The following PTPRN2 variants were observed in gnomAD, a reference collection of about 807,000 sequenced individuals.
The protein encoded by PTPRN2 is protein tyrosine phosphatase receptor type N2, also known as receptor-type tyrosine-protein phosphatase N2.
A neutral mutation model predicts 118.8 loss-of-function variants in PTPRN2; 74 were observed. The ratio of observed to expected loss-of-function variants is 0.62; its 90% CI spans 0.52 to 0.76. PTPRN2 has a LOEUF of 0.76. PTPRN2 is among the 30% of genes least tolerant of loss of function. The pLI, the probability that PTPRN2 is intolerant of heterozygous loss-of-function variation, is 0.00. For synonymous variants in PTPRN2, 641 were observed against 608.0 expected, an observed-to-expected ratio of 1.05 and a Z score of -0.80; for missense variants, 1,481 against 1,394.4, an observed-to-expected ratio of 1.06 and a Z score of -0.99.
At chr7:157,846,878 G>A (rs1345650014) in intron 12 of PTPRN2, among the ~76,000 whole-genome samples, 4 of 150,758 alleles carry the variant, frequency 2.7e-5, no homozygotes, top group African/African-American at 4.9e-5. Context: ...ACGTGTGCCC[G>A]ATGTTTACAG....
At chr7:157,925,616 A>AT (rs1409504003) in intron 11 of PTPRN2, among the ~76,000 whole-genome samples, 8 of 152,174 alleles carry the variant, frequency 5.3e-5, no homozygotes, top group Admixed American at 4.6e-4. Context: ...TGGAAACCGC[A>AT]TGGGGCCACA....
In PTPRN2 at chr7:158,529,722, G is replaced by A. The variant is rs1369832728; in HGVS notation, c.113-39937C>T. On this transcript the variant is annotated intron_variant, in intron 1 of 22. Coordinates refer to ENST00000389418, the MANE Select transcript of PTPRN2 (RefSeq NM_002847.5). This position sits in a 1 kb window ranked among gnomAD's most constrained non-coding sequence, Gnocchi z 4.7. Reference sequence around the variant, plus strand: ...TGTGTCCACCAGCCCCAGGGGCTGTGGGGAGGGGCGGTCACCAGAAGGGGC... The same window carrying A: ...TGTGTCCACCAGCCCCAGGGGCTGTAGGGAGGGGCGGTCACCAGAAGGGGC... Among the ~76,000 whole-genome samples the A allele has an allele frequency of 6.6e-6, 1 of 152,100 alleles. No homozygotes were observed. Among genetic ancestry groups the A allele is most frequent in the Non-Finnish European group, 1.5e-5 (1 of 68,020 alleles).
intron 12 of PTPRN2, among the ~76,000 whole-genome samples, chr7:157,735,766 G>A (rs1800258687): frequency 6.6e-6 from 1 of 152,122 alleles, no homozygotes; most frequent in African/African-American, 2.4e-5. Context: ...CCGCAAATGT[G>A]GGGAGCAGGT....
chr7:158,530,510 G>C (rs12534193), intron 1 of PTPRN2, among the ~76,000 whole-genome samples: 69,396 of 151,960 alleles, frequency 0.46, 16,266 homozygotes, highest in South Asian at 0.67. Context: ...AGGGAGCTCT[G>C]GTACCCCACG....
intron 9 of PTPRN2, among the ~76,000 whole-genome samples, chr7:158,132,574 CATAT>C (rs1208772632): frequency 7.3e-6 from 1 of 137,584 alleles, no homozygotes; most frequent in African/African-American, 2.9e-5. Flanking sequence ...ATCCAACACT[CATAT>C]AGACACATGC....
chr7:158,527,551 G>C (rs1330881484), intron 1 of PTPRN2, among the ~76,000 whole-genome samples: 1 of 143,620 alleles, frequency 7.0e-6, no homozygotes, highest in Non-Finnish European at 1.5e-5. Context: ...AGTTGGGATT[G>C]TGTTTGCCTG....
chr7:157,549,314 T>C (rs1340494486), intron 21 of PTPRN2, among the ~76,000 whole-genome samples: 2 of 130,992 alleles, frequency 1.5e-5, no homozygotes, highest in Non-Finnish European at 3.4e-5. Flanking sequence ...TTTTCTTTTC[T>C]TTCTTTTCTT....
rs1367341376 is a variant in PTPRN2 at position 157,808,151 on chromosome 7, G to T, written c.1788+90522C>A. 6.6e-6 allele frequency among the ~76,000 whole-genome samples: 1 copy of T among 152,196 alleles called. No homozygotes were observed. Among genetic ancestry groups the T allele is most frequent in the Non-Finnish European group, 1.5e-5 (1 of 68,036 alleles). On this transcript the variant is annotated intron_variant, in intron 12 of 22. Transcript: ENST00000389418. This position sits in a 1 kb window ranked among gnomAD's most constrained non-coding sequence, Gnocchi z 5.0. Reference sequence around the variant, plus strand: ...ACGGACTGACACCAGTCTGTGGCCTGTTAGGAACTGGGGTGCACAGCAGGA... The same window carrying T: ...ACGGACTGACACCAGTCTGTGGCCTTTTAGGAACTGGGGTGCACAGCAGGA...
In PTPRN2 at chr7:157,780,104, A is replaced by G. The variant is rs1803583805; in HGVS notation, c.1789-97167T>C. Among the ~76,000 whole-genome samples, 1 of 152,154 alleles carries G rather than the reference A, an allele frequency of 6.6e-6. No homozygotes were observed. The highest frequency in any genetic ancestry group is 1.5e-5 in the Non-Finnish European group (1 of 68,022). On this transcript the variant is annotated intron_variant, in intron 12 of 22. Coordinates refer to ENST00000389418, the MANE Select transcript of PTPRN2 (RefSeq NM_002847.5). This position sits in a 1 kb window ranked among gnomAD's most constrained non-coding sequence, Gnocchi z 4.5. ...ATTCGATACTTTATAATTAGGGCTCACTAGTGACGAGCAAAAGCCCGTGAA... is the reference window on the plus strand; with the variant it reads ...ATTCGATACTTTATAATTAGGGCTCGCTAGTGACGAGCAAAAGCCCGTGAA...
intron 12 of PTPRN2, among the ~76,000 whole-genome samples, chr7:157,798,146 C>G (rs934385107): frequency 1.3e-5 from 2 of 152,194 alleles, no homozygotes; most frequent in Non-Finnish European, 2.9e-5. Context: ...GTAATCCAAG[C>G]TGCTCGGGAG....
intron 5 of PTPRN2, among the ~76,000 whole-genome samples, chr7:158,188,152 C>T (rs1054769146): frequency 4.0e-4 from 60 of 151,366 alleles, no homozygotes; most frequent in Non-Finnish European, 6.8e-4. Context: ...CCACGCTCGC[C>T]CCCTGTACTG....
intron 12 of PTPRN2, among the ~76,000 whole-genome samples, chr7:157,895,030 T>A (rs1252012608): frequency 1.4e-5 from 2 of 138,328 alleles, no homozygotes; most frequent in African/African-American, 2.6e-5. Flanking sequence ...AAAGACTTCA[T>A]CAACCACAAA....
intron 11 of PTPRN2, among the ~76,000 whole-genome samples, chr7:157,945,461 T>C: frequency 6.6e-6 from 1 of 152,082 alleles, no homozygotes; most frequent in East Asian, 1.9e-4. Flanking sequence ...TGGATGTTTC[T>C]CCAACCCATT....
intron 2 of PTPRN2, among the ~76,000 whole-genome samples, chr7:158,342,078 C>G (rs1391200197): frequency 8.6e-5 from 12 of 138,920 alleles, no homozygotes; most frequent in Non-Finnish European, 1.7e-4. Context: ...CACACTCTCA[C>G]CAGAAGGGGT....
rs932141957 is a variant in PTPRN2 at position 157,929,351 on chromosome 7, C to T, written c.1724-30614G>A. On this transcript the variant is annotated intron_variant, in intron 11 of 22. Coordinates refer to ENST00000389418, the MANE Select transcript of PTPRN2 (RefSeq NM_002847.5). The surrounding 1 kb of genome is among the most constrained non-coding windows in gnomAD (Gnocchi z 4.4). ...ATGCTGGACAGGCATTCAGGAGACA[C>T]AAATGTCAACTCCTCTGTGGGTTCC... is the stretch of plus-strand genomic sequence containing the variant. 6.6e-6 allele frequency among the ~76,000 whole-genome samples: 1 copy of T among 152,134 alleles called. No individual in the cohort carries two copies. The highest frequency in any genetic ancestry group is 1.5e-5 in the Non-Finnish European group (1 of 68,030).
chr7:158,393,607 T>C (rs1362111705), intron 2 of PTPRN2, among the ~76,000 whole-genome samples: 1 of 152,344 alleles, frequency 6.6e-6, no homozygotes, highest in African/African-American at 2.4e-5. Context: ...CTGCACCTTT[T>C]GGAAGTGGAA....
chr7:158,163,926 G>A (rs1481329426), intron 6 of PTPRN2, among the ~76,000 whole-genome samples: 1 of 152,218 alleles, frequency 6.6e-6, no homozygotes, highest in Non-Finnish European at 1.5e-5. Flanking sequence ...TACCTGCATG[G>A]GGTTCTCAAT....
At position 157,559,783 on chromosome 7, in the gene PTPRN2, G is replaced by A. The variant is rs564005963; in HGVS notation, c.2902+9119C>T. Among the ~76,000 whole-genome samples the A allele has an allele frequency of 1.5e-4, 23 of 152,280 alleles. No individual in the cohort carries two copies. The East Asian group carries it at 3.9e-3, about 26-fold the overall frequency. ...ATGTGGACTCAGGGACCAGTGCTTCGGGCACATCCTGACAGCGACACAGCT... is the reference window on the plus strand; with the variant it reads ...ATGTGGACTCAGGGACCAGTGCTTCAGGCACATCCTGACAGCGACACAGCT... On this transcript the variant is annotated intron_variant, in intron 21 of 22. Coordinates refer to ENST00000389418, the MANE Select transcript of PTPRN2 (RefSeq NM_002847.5).
intron 2 of PTPRN2, among the ~76,000 whole-genome samples, chr7:158,475,298 T>A (rs1820169507): frequency 1.4e-5 from 2 of 141,814 alleles, no homozygotes; most frequent in South Asian, 4.5e-4. Flanking sequence ...CCCTGAGGAC[T>A]CCCCAGCTCC....
Sources: gnomAD v4.1 joint callset for allele counts (sites outside exome capture counted in the v4.1 genomes callset) on GRCh38, gnomAD v4.1.1 for gene constraint, Gnocchi (gnomAD v3.1) non-coding constraint, MANE v1.5 for transcripts, NCBI Gene and HGNC (gene_info 2026-07-23, HGNC 2026-07-21) for gene names.